FLRT2: variants seen among roughly 807,000 people sequenced by gnomAD.
The protein encoded by FLRT2 is fibronectin leucine rich transmembrane protein 2, also known as leucine-rich repeat transmembrane protein FLRT2.
A neutral mutation model predicts 40.0 loss-of-function variants in FLRT2; 15 were observed. The ratio of observed to expected loss-of-function variants is 0.38; its 90% CI spans 0.25 to 0.58. The LOEUF (loss-of-function observed/expected upper bound fraction) is 0.58. Ranked by LOEUF, FLRT2 falls within the 20% of genes least tolerant of loss-of-function variation. The pLI, the probability that FLRT2 is intolerant of heterozygous loss-of-function variation, is 0.71. For missense variants in FLRT2, 726 were observed against 840.0 expected, an observed-to-expected ratio of 0.86 and a Z score of 1.68; for synonymous variants, 380 against 336.8, an observed-to-expected ratio of 1.13 and a Z score of -1.41.
chr14:85,635,842 T>C lies in FLRT2; in HGVS notation c.*12345T>C, dbSNP rs2139391111. Reference sequence around the variant, plus strand: ...AATGTTCATTTCAAAATGTTTAGTCTTTAAAGCGGTTACCTAAGAATATCT... The same window carrying C: ...AATGTTCATTTCAAAATGTTTAGTCCTTAAAGCGGTTACCTAAGAATATCT... On this transcript the variant is annotated 3_prime_UTR_variant, in exon 2 of 2. Coordinates refer to ENST00000330753, the MANE Select transcript of FLRT2 (RefSeq NM_013231.6). 1 of 152,314 alleles carries C rather than the reference T, an allele frequency of 6.6e-6. No individual in the cohort carries two copies. Among genetic ancestry groups the C allele is most frequent in the African/African-American group, 2.4e-5 (1 of 41,588 alleles). 9.4% of individuals were successfully genotyped at this position (152,314 alleles called of 1,614,324 possible). A position where few individuals can be genotyped will look rare whatever the true frequency, so the allele number is the denominator to read the frequency against.
chr14:85,561,026 G>A (rs966636747), intron 1 of FLRT2: 3 of 152,110 alleles, frequency 2.0e-5, no homozygotes, highest in African/African-American at 7.2e-5. Context: ...ATTTTACCTT[G>A]TTAACGGCTC....
chr14:85,567,937 C>T (rs1451912136), intron 1 of FLRT2, among the ~76,000 whole-genome samples: 1 of 152,026 alleles, frequency 6.6e-6, no homozygotes, highest in African/African-American at 2.4e-5. Flanking sequence ...CGCGCAAGGC[C>T]TGATTTTTAT....
intron 1 of FLRT2, among the ~76,000 whole-genome samples, chr14:85,572,260 G>T (rs1666978747): frequency 6.6e-6 from 1 of 152,020 alleles, no homozygotes; most frequent in Non-Finnish European, 1.5e-5. Context: ...CTTCCATGAA[G>T]AATTCCCAGA....
chr14:85,599,386 G>T (rs1264009422), intron 1 of FLRT2, among the ~76,000 whole-genome samples: 1 of 152,036 alleles, frequency 6.6e-6, no homozygotes, highest in Admixed American at 6.6e-5. Flanking sequence ...TAAGTAGGGC[G>T]CTACCAAAGA....
At chr14:85,588,253 C>T (rs1266142595) in intron 1 of FLRT2, among the ~76,000 whole-genome samples, 1 of 152,072 alleles carries the variant, frequency 6.6e-6, no homozygotes, top group Non-Finnish European at 1.5e-5. Context: ...GACAGACGGG[C>T]CTTAATATTA....
chr14:85,646,447 A>G lies in FLRT2; in HGVS notation c.*22950A>G, dbSNP rs1277991047. The G allele has an allele frequency of 1.3e-5, 2 of 152,176 alleles. No individual in the cohort carries two copies. Among genetic ancestry groups the G allele is most frequent in the African/African-American group, 2.4e-5 (1 of 41,422 alleles). The allele number at this position is 152,176 out of a possible 1,614,324, so 9.4% of individuals were successfully genotyped here. ...CTGAAGTCAGATGACTTATGAATCA[A>G]TTTAAAACAAATCATGAGAAGGAAG... On this transcript the variant is annotated 3_prime_UTR_variant, in exon 2 of 2. Coordinates refer to ENST00000330753, the MANE Select transcript of FLRT2 (RefSeq NM_013231.6).
At chr14:85,611,903 CGCGT>C (rs1446484985) in intron 1 of FLRT2, among the ~76,000 whole-genome samples, 2 of 145,828 alleles carry the variant, frequency 1.4e-5, no homozygotes, top group Non-Finnish European at 3.0e-5. Flanking sequence ...AGAGAGAGCG[CGCGT>C]GCGCGAAAGC....
In FLRT2 at chr14:85,621,457, A is replaced by G; in HGVS notation, c.-58A>G. 1 of 1,369,736 alleles carries G rather than the reference A, an allele frequency of 7.3e-7. No homozygotes were observed. The highest frequency in any genetic ancestry group is 9.7e-7 in the Non-Finnish European group (1 of 1,034,166). 84.8% of individuals were successfully genotyped at this position (1,369,736 alleles called of 1,614,324 possible). ...TCCAGTCATTTTGATTTTGCTGTTTATTTTTTTTTTCTTTTTCTTTTTCCC... is the reference window on the plus strand; with the variant it reads ...TCCAGTCATTTTGATTTTGCTGTTTGTTTTTTTTTTCTTTTTCTTTTTCCC... On this transcript the variant is annotated 5_prime_UTR_variant, in exon 2 of 2. Transcript: ENST00000330753.
intron 1 of FLRT2, among the ~76,000 whole-genome samples, chr14:85,543,670 A>G (rs897148382): frequency 6.6e-6 from 1 of 152,130 alleles, no homozygotes; most frequent in East Asian, 1.9e-4. Context: ...ATTGTTCAGC[A>G]CCCATCCCCT....
chr14:85,616,057 C>T (rs2139360658), intron 1 of FLRT2, among the ~76,000 whole-genome samples: 1 of 152,246 alleles, frequency 6.6e-6, no homozygotes, highest in African/African-American at 2.4e-5. Flanking sequence ...AGTTAAATTA[C>T]AATAAAGTAG....
At position 85,645,247 on chromosome 14, in the gene FLRT2, T is replaced by TAC. The variant is rs1894267931; in HGVS notation, c.*21752_*21753dup. The TAC allele has an allele frequency of 9.9e-6, 1 of 101,172 alleles. No homozygotes were observed. Among genetic ancestry groups the TAC allele is most frequent in the Non-Finnish European group, 2.0e-5 (1 of 49,398 alleles). The allele number at this position is 101,172 out of a possible 1,614,324, so 6.3% of individuals were successfully genotyped here. On this transcript the variant is annotated 3_prime_UTR_variant, in exon 2 of 2. Coordinates refer to ENST00000330753, the MANE Select transcript of FLRT2 (RefSeq NM_013231.6). ...GTATATATGTATATACATATATGTA[T>TAC]ACATGTGTATATATGTATACATGTG...
intron 1 of FLRT2, among the ~76,000 whole-genome samples, chr14:85,612,148 G>GAAAAA (rs11298273): frequency 4.2e-5 from 6 of 144,156 alleles, no homozygotes; most frequent in Non-Finnish European, 9.0e-5. Flanking sequence ...TTTAAAAAAA[G>GAAAAA]AAAAAAAAAA....
intron 1 of FLRT2, among the ~76,000 whole-genome samples, chr14:85,590,131 A>T (rs886105973): frequency 6.6e-6 from 1 of 151,446 alleles, no homozygotes; most frequent in Non-Finnish European, 1.5e-5. Flanking sequence ...GCTGTGCATC[A>T]TATGGGATTT....
Position 85,633,257 on chromosome 14 carries a change from G to A in FLRT2, c.*9760G>A, listed in dbSNP as rs1893926559. The A allele has an allele frequency of 6.6e-6, 1 of 152,114 alleles. No homozygotes were observed. The highest frequency in any genetic ancestry group is 2.4e-5 in the African/African-American group (1 of 41,424). 9.4% of individuals were successfully genotyped at this position (152,114 alleles called of 1,614,324 possible). On this transcript the variant is annotated 3_prime_UTR_variant, in exon 2 of 2. Coordinates refer to ENST00000330753, the MANE Select transcript of FLRT2 (RefSeq NM_013231.6). The stretch of plus-strand genomic sequence containing the variant: ...ATTCTTTCTGGGGGAAAAAAATTGG[G>A]AAGATGAGGTGCCATGGGATAACAC...
rs1227906260 is a variant in FLRT2, at chr14:85,650,395, A to C, written c.*26898A>C. ...TTGTTGAACATTTCCACTGTTTTAC[A>C]TTTTTTAGTATCATAAACTATCCTT... On this transcript the variant is annotated 3_prime_UTR_variant, in exon 2 of 2. Coordinates refer to ENST00000330753, the MANE Select transcript of FLRT2 (RefSeq NM_013231.6). The C allele has an allele frequency of 6.6e-6, 1 of 151,866 alleles. No homozygotes were observed. Among genetic ancestry groups the C allele is most frequent in the Non-Finnish European group, 1.5e-5 (1 of 67,936 alleles). 9.4% of individuals were successfully genotyped at this position (151,866 alleles called of 1,614,324 possible). A position where few individuals can be genotyped will look rare whatever the true frequency, so the allele number is the denominator to read the frequency against.
Position 85,623,452 on chromosome 14 carries a change from A to G in FLRT2, c.1938A>G (p.Arg646=), listed in dbSNP as rs957496264. 2 of 1,471,062 alleles carry G rather than the reference A, an allele frequency of 1.4e-6. No homozygotes were observed. Among genetic ancestry groups the G allele is most frequent in the Non-Finnish European group, 1.8e-6 (2 of 1,112,922 alleles). 91.1% of individuals were successfully genotyped at this position (1,471,062 alleles called of 1,614,324 possible). A position where few individuals can be genotyped will look rare whatever the true frequency, so the allele number is the denominator to read the frequency against. The change falls in exon 2 of 2, where the codon CGA becomes CGG. Residue 646 remains arginine, a synonymous_variant. Coordinates refer to ENST00000330753, the MANE Select transcript of FLRT2 (RefSeq NM_013231.6). ...YTDCHIPNNM[R]YCNSSVPDLE... ...ACTGCCATATCCCCAACAACATGCGATACTGCAACAGCAGCGTGCCAGACC... is the reference window on the plus strand; with the variant it reads ...ACTGCCATATCCCCAACAACATGCGGTACTGCAACAGCAGCGTGCCAGACC...
chr14:85,585,998 TA>T (rs1171002684), intron 1 of FLRT2, among the ~76,000 whole-genome samples: 4 of 149,108 alleles, frequency 2.7e-5, no homozygotes, highest in Non-Finnish European at 5.9e-5. Flanking sequence ...TATATTTCAT[TA>T]AAAGCATATA....
At chr14:85,533,690 C>T (rs886448781) in intron 1 of FLRT2, among the ~76,000 whole-genome samples, 41 of 152,054 alleles carry the variant, frequency 2.7e-4, no homozygotes, top group Admixed American at 3.9e-4. Context: ...ACCCTGGAGG[C>T]GGTGGTGGCG....
At chr14:85,569,659 C>T (rs999984582) in intron 1 of FLRT2, among the ~76,000 whole-genome samples, 2 of 152,118 alleles carry the variant, frequency 1.3e-5, no homozygotes, top group Non-Finnish European at 1.5e-5. Flanking sequence ...TTATTTTGTC[C>T]CCTAGCCCTT....
Sources: gnomAD v4.1 joint callset for allele counts (sites outside exome capture counted in the v4.1 genomes callset) on GRCh38, gnomAD v4.1.1 for gene constraint, MANE v1.5 for transcripts, NCBI Gene and HGNC (gene_info 2026-07-23, HGNC 2026-07-21) for gene names.